Variants in AFF3 observed in about 807,000 individuals in gnomAD.
AFF3 encodes ALF transcription elongation factor 3.
Under a neutral mutation model 129.7 loss-of-function variants are expected in AFF3, and 32 were observed. The ratio of observed to expected loss-of-function variants is 0.25; its 90% CI spans 0.19 to 0.33. AFF3 has a LOEUF of 0.33. Among genes scored for constraint, AFF3 ranks in the 10% least tolerant of loss-of-function variants. The pLI is 1.00. For synonymous variants in AFF3, 644 were observed against 635.4 expected (o/e 1.01, Z -0.20); for missense variants, 1,373 against 1,592.0 (o/e 0.86, Z 2.34).
chr2:100,035,124 T>C (rs1468506766), intron 4 of AFF3, among the ~76,000 whole-genome samples: 1 of 152,166 alleles, frequency 6.6e-6, no homozygotes, highest in African/African-American at 2.4e-5. Context: ...ACTGCCTCCA[T>C]TTAAATTTTA....
intron 4 of AFF3, among the ~76,000 whole-genome samples, chr2:100,066,738 C>T (rs1490464179): frequency 6.6e-6 from 1 of 152,194 alleles, no homozygotes; most frequent in Admixed American, 6.5e-5. Flanking sequence ...ACACTCTCTT[C>T]CATCTTAGTT....
At chr2:99,708,594 T>C (rs867265432) in intron 11 of AFF3, among the ~76,000 whole-genome samples, 17 of 152,226 alleles carry the variant, frequency 1.1e-4, no homozygotes, top group African/African-American at 4.1e-4. Context: ...GGCACTGATA[T>C]AGTTTTCTCT....
chr2:99,768,071 G>T (rs1326525127), intron 8 of AFF3, among the ~76,000 whole-genome samples: 1 of 152,158 alleles, frequency 6.6e-6, no homozygotes, highest in East Asian at 1.9e-4. Flanking sequence ...AATATTTTCA[G>T]TCTCAATTCC....
intron 4 of AFF3, among the ~76,000 whole-genome samples, chr2:100,042,212 C>T (rs758472816): frequency 1.3e-4 from 20 of 152,190 alleles, no homozygotes; most frequent in African/African-American, 4.6e-4. Flanking sequence ...CCGAAACCTC[C>T]GTGCAGTAGT....
intron 7 of AFF3, among the ~76,000 whole-genome samples, chr2:99,947,961 C>T (rs1675793239): frequency 6.6e-6 from 1 of 152,148 alleles, no homozygotes; most frequent in Admixed American, 6.5e-5. Context: ...GAGCATCCTG[C>T]AGCCGAGATC....
In AFF3 at chr2:99,593,511, C is replaced by CT; in HGVS notation, c.2149dup (p.Ser717LysfsTer4). 1.2e-6 allele frequency: 2 copies of CT among 1,613,422 alleles called. No individual in the cohort carries two copies. Reference sequence around the variant, plus strand: ...GGAGCCTACAGGGGCCCTAGGACCACTGCCCCCGTTGGCAGCGGCCTCCTT... The same window carrying CT: ...GGAGCCTACAGGGGCCCTAGGACCACTTGCCCCCGTTGGCAGCGGCCTCCTT... On this transcript the variant is annotated frameshift_variant, in exon 15 of 25. Coordinates refer to ENST00000672756, the MANE Select transcript of AFF3 (RefSeq NM_001386135.1). LOFTEE classifies it high-confidence loss of function.
intron 8 of AFF3, among the ~76,000 whole-genome samples, chr2:99,821,724 C>T (rs913284471): frequency 9.9e-5 from 15 of 152,168 alleles, no homozygotes; most frequent in African/African-American, 3.6e-4. Flanking sequence ...AGTAGGTTTG[C>T]CGACACTAAC....
chr2:99,956,192 G>A (rs1676629540), intron 7 of AFF3, among the ~76,000 whole-genome samples: 1 of 151,376 alleles, frequency 6.6e-6, no homozygotes, highest in South Asian at 2.1e-4. Context: ...CCTGGCACAA[G>A]CGACAATAAT....
At chr2:99,936,822 T>C (rs903596461) in intron 7 of AFF3, among the ~76,000 whole-genome samples, 1 of 152,168 alleles carries the variant, frequency 6.6e-6, no homozygotes, top group Admixed American at 6.5e-5. Context: ...GTCATGCATT[T>C]TTCCCCCCTC....
At chr2:99,592,414 T>C (rs1173008405) in intron 15 of AFF3, among the ~76,000 whole-genome samples, 1 of 152,176 alleles carries the variant, frequency 6.6e-6, no homozygotes, top group Non-Finnish European at 1.5e-5. Context: ...GTCTGCCGTA[T>C]TCATTTTCAC....
chr2:99,864,720 G>A (rs934925516), intron 7 of AFF3, among the ~76,000 whole-genome samples: 4 of 152,340 alleles, frequency 2.6e-5, no homozygotes, highest in Non-Finnish European at 4.4e-5. Context: ...AGGGAACACT[G>A]CAAGTAACCA....
intron 7 of AFF3, among the ~76,000 whole-genome samples, chr2:99,927,797 G>A (rs1007795749): frequency 1.3e-5 from 2 of 152,168 alleles, no homozygotes; most frequent in Non-Finnish European, 2.9e-5. Flanking sequence ...TGTACATACT[G>A]AGAGGCCCCA....
At chr2:99,841,980 T>A (rs961362745) in intron 7 of AFF3, among the ~76,000 whole-genome samples, 1 of 152,150 alleles carries the variant, frequency 6.6e-6, no homozygotes, top group African/African-American at 2.4e-5. Flanking sequence ...CAGCGCTTGA[T>A]CATTGCCTCT....
intron 12 of AFF3, among the ~76,000 whole-genome samples, chr2:99,663,944 G>A (rs904501992): frequency 1.3e-5 from 2 of 152,114 alleles, no homozygotes; most frequent in Admixed American, 6.5e-5. Flanking sequence ...TTATTTGCTT[G>A]TGTCCAACCT....
At chr2:99,951,952 A>G (rs1340042875) in intron 7 of AFF3, among the ~76,000 whole-genome samples, 1 of 152,146 alleles carries the variant, frequency 6.6e-6, no homozygotes. Flanking sequence ...ACTGACTGAA[A>G]TCTCTGAGAA....
At chr2:99,600,326 C>T (rs1165113578) in intron 14 of AFF3, among the ~76,000 whole-genome samples, 1 of 152,122 alleles carries the variant, frequency 6.6e-6, no homozygotes, top group Non-Finnish European at 1.5e-5. Flanking sequence ...TTTCACAGTG[C>T]TCCTGCAAAA....
chr2:99,614,594 G>A (rs56103924), intron 13 of AFF3, among the ~76,000 whole-genome samples: 1,824 of 152,322 alleles, frequency 0.012, 22 homozygotes, highest in Non-Finnish European at 0.019. Context: ...TCTTAACCAG[G>A]TGCTGGATCC....
At chr2:100,102,494 A>T (rs889385855) in intron 4 of AFF3, among the ~76,000 whole-genome samples, 1 of 152,064 alleles carries the variant, frequency 6.6e-6, no homozygotes, top group Non-Finnish European at 1.5e-5. Context: ...TGTTTTTTTT[A>T]AAGTAATAAA....
intron 13 of AFF3, among the ~76,000 whole-genome samples, chr2:99,612,218 C>A (rs1681004164): frequency 6.6e-6 from 1 of 152,226 alleles, no homozygotes; most frequent in South Asian, 2.1e-4. Flanking sequence ...GGCAACCACC[C>A]ACTTGGTATT....
Sources: allele counts gnomAD v4.1 joint callset (sites outside exome capture counted in the v4.1 genomes callset), GRCh38; gene constraint gnomAD v4.1.1; transcripts MANE v1.5; gene names NCBI Gene and HGNC (gene_info 2026-07-23, HGNC 2026-07-21).